M1AP: variants seen among roughly 807,000 people sequenced by gnomAD.
M1AP encodes meiosis 1 arrest protein.
In M1AP, 39 loss-of-function variants were observed where a neutral mutation model predicts 51.2. That is an observed-to-expected ratio of 0.76 (90% confidence interval 0.59 to 1.00). M1AP has a LOEUF of 1.00. M1AP is among the 50% of genes least tolerant of loss of function. The pLI is 0.00. For missense variants in M1AP, 545 were observed against 641.2 expected (o/e 0.85, Z 1.62); for synonymous variants, 251 against 249.2 (o/e 1.01, Z -0.07).
At chr2:74,628,362 A>C (rs1315668010) in intron 2 of M1AP, 7 of 379,892 alleles carry the variant, frequency 1.8e-5, no homozygotes, top group Non-Finnish European at 3.7e-5. Flanking sequence ...TCGTCTTAAA[A>C]ACTGCTTTAC....
chr2:74,618,905 A>C, intron 2 of M1AP: 1 of 529,170 alleles, frequency 1.9e-6, no homozygotes, highest in Non-Finnish European at 3.8e-6. Context: ...GACTGAGTAG[A>C]TTTTCTTGTC....
rs1681575034 is a variant in M1AP, at chr2:74,614,906, A to G, written c.426+58T>C. On this transcript the variant is annotated intron_variant, in intron 3 of 10. Transcript: ENST00000421985. ...AACAATGTAAAGATGATAAACAATG[A>G]CCTATATGGACTGAAATCGGAACAC... The G allele has an allele frequency of 3.5e-6, 5 of 1,426,536 alleles. No homozygotes were observed. In the South Asian group the frequency reaches 5.8e-5, roughly 16 times the overall value. The allele number at this position is 1,426,536 out of a possible 1,614,324, so 88.4% of individuals were successfully genotyped here.
At chr2:74,648,136 C>T (rs996583744) in intron 1 of M1AP, 129 bp downstream of exon 1, 19 of 973,276 alleles carry the variant, frequency 2.0e-5, no homozygotes, top group Non-Finnish European at 2.2e-5. Context: ...CGCCGGCACC[C>T]GCCACGGCCA....
chr2:74,612,255 G>A (rs1681411028), intron 3 of M1AP, among the ~76,000 whole-genome samples: 1 of 151,988 alleles, frequency 6.6e-6, no homozygotes, highest in Non-Finnish European at 1.5e-5. Flanking sequence ...GTCTTGCTCT[G>A]TCACCCAGGC....
chr2:74,636,166 T>G (rs1469322723), intron 2 of M1AP, among the ~76,000 whole-genome samples: 1 of 152,124 alleles, frequency 6.6e-6, no homozygotes, highest in Admixed American at 6.5e-5. Flanking sequence ...ATTTAGGATT[T>G]CTGTATCTTC....
At chr2:74,592,998 G>A (rs564151388) in intron 4 of M1AP, among the ~76,000 whole-genome samples, 2 of 152,290 alleles carry the variant, frequency 1.3e-5, no homozygotes, top group South Asian at 2.1e-4. Context: ...ACTAACTAAT[G>A]CTCTAGTGCT....
At chr2:74,561,921 C>A (rs1316924126) in intron 8 of M1AP, 1 of 985,404 alleles carries the variant, frequency 1.0e-6, no homozygotes, top group Non-Finnish European at 1.2e-6. Context: ...GTGTGTCCTC[C>A]AGGATGGCTC....
chr2:74,633,853 C>A (rs912198868), intron 2 of M1AP, among the ~76,000 whole-genome samples: 3 of 152,200 alleles, frequency 2.0e-5, no homozygotes, highest in African/African-American at 7.2e-5. Flanking sequence ...ATGGCTATTG[C>A]ACCACCTAAA....
chr2:74,621,164 C>T (rs1300553893), intron 2 of M1AP, among the ~76,000 whole-genome samples: 1 of 151,290 alleles, frequency 6.6e-6, no homozygotes, highest in Non-Finnish European at 1.5e-5. Flanking sequence ...CGCCTGTAGT[C>T]CCACCTACTC....
intron 2 of M1AP, among the ~76,000 whole-genome samples, chr2:74,627,518 C>T (rs181628114): frequency 4.5e-4 from 69 of 152,184 alleles, no homozygotes; most frequent in African/African-American, 1.5e-3. Context: ...ATCTAGAATA[C>T]TTTTATTTTT....
chr2:74,616,515 T>C (rs1681676977), intron 2 of M1AP, among the ~76,000 whole-genome samples: 1 of 152,192 alleles, frequency 6.6e-6, no homozygotes. Flanking sequence ...CTCCTTGAAC[T>C]CATATTTCCA....
At chr2:74,565,825 T>TCACACACACACACAAACACACA in intron 7 of M1AP, among the ~76,000 whole-genome samples, 1 of 138,096 alleles carries the variant, frequency 7.2e-6, no homozygotes, top group East Asian at 2.3e-4. Flanking sequence ...TGAGATGCCG[T>TCACACACACACACAAACACACA]CACACACACA....
At chr2:74,597,966 CTTTA>C (rs1358132987) in intron 4 of M1AP, among the ~76,000 whole-genome samples, 3 of 152,176 alleles carry the variant, frequency 2.0e-5, no homozygotes, top group African/African-American at 7.2e-5. Flanking sequence ...CTCACAAATC[CTTTA>C]TTTAACTTCA....
chr2:74,630,571 G>A (rs1682646525), intron 2 of M1AP, among the ~76,000 whole-genome samples: 1 of 152,200 alleles, frequency 6.6e-6, no homozygotes, highest in African/African-American at 2.4e-5. Context: ...TTATGAGTGA[G>A]AACATGCCGT....
At chr2:74,636,372 C>T (rs1682991991) in intron 2 of M1AP, among the ~76,000 whole-genome samples, 1 of 151,994 alleles carries the variant, frequency 6.6e-6, no homozygotes, top group South Asian at 2.1e-4. Context: ...TTCTTTTAGA[C>T]AGGATATAGT....
At chr2:74,595,710 G>C (rs961216379) in intron 4 of M1AP, among the ~76,000 whole-genome samples, 1 of 152,182 alleles carries the variant, frequency 6.6e-6, no homozygotes, top group Non-Finnish European at 1.5e-5. Context: ...ATGAAAGATA[G>C]TGTATGTGAA....
At chr2:74,609,995 C>A (rs1681235655) in intron 3 of M1AP, among the ~76,000 whole-genome samples, 1 of 151,180 alleles carries the variant, frequency 6.6e-6, no homozygotes, top group African/African-American at 2.5e-5. Context: ...TAGGCTCTTA[C>A]TTCACTCTAT....
At chr2:74,614,934 CT>C in intron 3 of M1AP, 29 bp downstream of exon 3, 2 of 1,602,748 alleles carry the variant, frequency 1.2e-6, no homozygotes, top group Non-Finnish European at 1.7e-6. Context: ...CGGAACACAG[CT>C]TGGAGTCCTA....
chr2:74,611,904 T>G (rs1344812338), intron 3 of M1AP, among the ~76,000 whole-genome samples: 1 of 103,690 alleles, frequency 9.6e-6, no homozygotes, highest in Non-Finnish European at 2.0e-5. Flanking sequence ...TTTTTTTTTT[T>G]TTTTTTTGAG....
Sources: gnomAD v4.1 joint callset for allele counts (sites outside exome capture counted in the v4.1 genomes callset) on GRCh38, gnomAD v4.1.1 for gene constraint, MANE v1.5 for transcripts, NCBI Gene and HGNC (gene_info 2026-07-23, HGNC 2026-07-21) for gene names.